Variants in ASTN1 observed in about 807,000 individuals in gnomAD.
ASTN1 encodes the protein astrotactin-1.
A neutral mutation model predicts 140.7 loss-of-function variants in ASTN1; 41 were observed. The ratio of observed to expected loss-of-function variants is 0.29; its 90% CI spans 0.23 to 0.38. ASTN1 has a LOEUF of 0.38. Among genes scored for constraint, ASTN1 ranks in the 10% least tolerant of loss-of-function variants. ASTN1 has a pLI of 1.00. For missense variants in ASTN1, 1,479 were observed against 1,678.8 expected, an observed-to-expected ratio of 0.88 and a Z score of 2.08; for synonymous variants, 640 against 652.2, an observed-to-expected ratio of 0.98 and a Z score of 0.29.
Position 177,161,774 on chromosome 1 carries a change from G to A in ASTN1, c.283+2620C>T, listed in dbSNP as rs139777252. ...TTTGTAATTTTTTTTTTCACTCAAA[G>A]GAGTGACAGGATCTGATTTTAGCCT... On this transcript the variant is annotated intron_variant, in intron 1 of 22. Transcript: ENST00000361833. Among the ~76,000 whole-genome samples the A allele has an allele frequency of 5.8e-3, 882 of 152,084 alleles. 12 individuals are homozygous for A. Among genetic ancestry groups the A allele is most frequent in the African/African-American group, 0.02 (846 of 41,470 alleles).
At chr1:176,874,075 C>G (rs1668464918) in intron 21 of ASTN1, among the ~76,000 whole-genome samples, 1 of 152,174 alleles carries the variant, frequency 6.6e-6, no homozygotes. Flanking sequence ...CCCTGATTTC[C>G]CACTACTCAC....
At chr1:176,917,727 C>G (rs574915668) in intron 16 of ASTN1, among the ~76,000 whole-genome samples, 5 of 152,228 alleles carry the variant, frequency 3.3e-5, no homozygotes, top group African/African-American at 1.2e-4. Flanking sequence ...GTCCTGTGTG[C>G]AGACTGGTCC....
chr1:177,128,620 A>G (rs1388579001), intron 1 of ASTN1, among the ~76,000 whole-genome samples: 2 of 152,246 alleles, frequency 1.3e-5, no homozygotes, highest in Non-Finnish European at 2.9e-5. Context: ...AATCTAGAAG[A>G]AACATCTGTG....
chr1:176,916,238 G>A (rs1472304469), intron 16 of ASTN1, among the ~76,000 whole-genome samples: 1 of 152,184 alleles, frequency 6.6e-6, no homozygotes, highest in Non-Finnish European at 1.5e-5. Context: ...TGTGAGATAA[G>A]GATGCAGATG....
intron 2 of ASTN1, among the ~76,000 whole-genome samples, chr1:177,053,511 C>T (rs1677642273): frequency 6.6e-6 from 1 of 152,146 alleles, no homozygotes; most frequent in Non-Finnish European, 1.5e-5. Flanking sequence ...TGATTAAATG[C>T]TCCCTGAAAG....
intron 1 of ASTN1, among the ~76,000 whole-genome samples, chr1:177,126,227 C>T (rs1681640018): frequency 6.6e-6 from 1 of 152,140 alleles, no homozygotes; most frequent in Non-Finnish European, 1.5e-5. Flanking sequence ...GGGCTTCCCA[C>T]CTCTGAGACC....
At chr1:177,163,139 G>A (rs530349136) in intron 1 of ASTN1, among the ~76,000 whole-genome samples, 1 of 152,282 alleles carries the variant, frequency 6.6e-6, no homozygotes, top group East Asian at 1.9e-4. Context: ...TGTGGCTCTA[G>A]CCTACATGTG....
At chr1:177,007,523 T>C (rs528198136) in intron 8 of ASTN1, among the ~76,000 whole-genome samples, 11 of 152,218 alleles carry the variant, frequency 7.2e-5, no homozygotes, top group Non-Finnish European at 1.0e-4. Flanking sequence ...GGAGACTCCA[T>C]GTCTTGCTTA....
chr1:177,042,319 G>C (rs1408409055), intron 2 of ASTN1, among the ~76,000 whole-genome samples: 1 of 152,132 alleles, frequency 6.6e-6, no homozygotes, highest in African/African-American at 2.4e-5. Flanking sequence ...ATCCTGCCCC[G>C]TTCTCTTTTA....
Position 176,906,983 on chromosome 1 carries a change from A to C in ASTN1, c.2672-12153T>G, listed in dbSNP as rs1357798167. 2.6e-5 allele frequency among the ~76,000 whole-genome samples: 4 copies of C among 152,222 alleles called. No individual in the cohort carries two copies. In the East Asian group the frequency reaches 7.7e-4, roughly 29 times the overall value. ...TAGGAGAGATGCCTTAGAGATGGTG[A>C]ACCCTTGACTAGCACAAGTATTCAT... On this transcript the variant is annotated intron_variant, in intron 16 of 22. Coordinates refer to ENST00000361833, the MANE Select transcript of ASTN1 (RefSeq NM_004319.3).
chr1:176,958,530 C>T, intron 9 of ASTN1, 48 bp from the exon 10 acceptor site: 1 of 1,557,776 alleles, frequency 6.4e-7, no homozygotes, highest in East Asian at 2.4e-5. Flanking sequence ...GGCATAACCA[C>T]TCACCACTGG....
chr1:176,920,263 C>T (rs1670670872), intron 16 of ASTN1, among the ~76,000 whole-genome samples: 1 of 152,154 alleles, frequency 6.6e-6, no homozygotes, highest in Admixed American at 6.5e-5. Context: ...ACTGCTTTCT[C>T]AGCCCCAGGG....
At position 177,061,218 on chromosome 1, in the gene ASTN1, G is replaced by T. The variant is rs534268393; in HGVS notation, c.331C>A (p.Gln111Lys). The part of the protein sequence containing the change: ...EDIPLVRWRQ[Q>K]WLENGTLLFH... The stretch of plus-strand genomic sequence containing the variant: ...AGCAAAGTGCCATTCTCCAGCCACT[G>T]CTGCCTCCAGCGCACCAAAGGGATA... The change falls in exon 2 of 23, where the codon CAG becomes AAG. Residue 111 changes from glutamine to lysine, a missense_variant. Physicochemically the swap from Gln to Lys is moderately conservative, Grantham distance 53 (BLOSUM62 1). Transcript: ENST00000361833. 1.5e-5 allele frequency: 24 copies of T among 1,602,082 alleles called. No homozygotes were observed. The highest frequency in any genetic ancestry group is 2.0e-5 in the Non-Finnish European group (23 of 1,174,424).
intron 16 of ASTN1, among the ~76,000 whole-genome samples, chr1:176,918,532 C>A (rs975825524): frequency 6.6e-6 from 1 of 152,170 alleles, no homozygotes; most frequent in Admixed American, 6.5e-5. Context: ...ACTACTCAAG[C>A]AAATATCTAG....
intron 16 of ASTN1, among the ~76,000 whole-genome samples, chr1:176,900,712 T>C (rs1427223562): frequency 1.3e-5 from 2 of 152,196 alleles, no homozygotes; most frequent in Non-Finnish European, 1.5e-5. Flanking sequence ...ACTGAACTGA[T>C]TTAGTAAAGG....
chr1:176,978,213 G>A (rs1166290896), intron 8 of ASTN1, among the ~76,000 whole-genome samples: 1 of 152,174 alleles, frequency 6.6e-6, no homozygotes. Context: ...GGGATACACA[G>A]GGATGGAAAA....
chr1:177,147,725 C>CTCTG (rs1255116517), intron 1 of ASTN1, among the ~76,000 whole-genome samples: 4 of 152,172 alleles, frequency 2.6e-5, no homozygotes, highest in Non-Finnish European at 5.9e-5. Flanking sequence ...CAGGAATGGA[C>CTCTG]TCTGATTAGC....
At chr1:176,878,659 C>T (rs1571446337) in intron 20 of ASTN1, among the ~76,000 whole-genome samples, 1 of 151,984 alleles carries the variant, frequency 6.6e-6, no homozygotes, top group African/African-American at 2.4e-5. Flanking sequence ...TTCAATCCCA[C>T]AATCCAGTCC....
At chr1:177,029,586 C>T (rs768369913) in intron 5 of ASTN1, 48 bp downstream of exon 5, 1 of 1,579,296 alleles carries the variant, frequency 6.3e-7, no homozygotes, top group Non-Finnish European at 8.7e-7. Context: ...CCCCGCCTCC[C>T]TCACTCCCAG....
Sources: allele counts gnomAD v4.1 joint callset (sites outside exome capture counted in the v4.1 genomes callset), GRCh38; gene constraint gnomAD v4.1.1; transcripts MANE v1.5; gene names NCBI Gene and HGNC (gene_info 2026-07-23, HGNC 2026-07-21).